The following MYRIP variants were observed in gnomAD, a reference collection of about 807,000 sequenced individuals.
The protein encoded by MYRIP is rab effector MyRIP.
MYRIP carries 49 observed loss-of-function variants against 98.0 expected under a neutral mutation model. The observed-to-expected ratio is 0.50, with a 90% CI of 0.40 to 0.63. The LOEUF (loss-of-function observed/expected upper bound fraction) is 0.63. Ranked by LOEUF, MYRIP falls within the 30% of genes least tolerant of loss-of-function variation. The pLI is 0.00. For missense variants in MYRIP, 1,004 were observed against 1,058.2 expected (o/e 0.95, Z 0.71); for synonymous variants, 404 against 409.5 (o/e 0.99, Z 0.16).
At chr3:39,837,046 T>C (rs1292220988) in intron 1 of MYRIP, among the ~76,000 whole-genome samples, 1 of 152,208 alleles carries the variant, frequency 6.6e-6, no homozygotes, top group African/African-American at 2.4e-5. Flanking sequence ...TGTTCAATTA[T>C]TACAGCTATG....
At chr3:40,118,184 A>G (rs1317224814) in intron 3 of MYRIP, among the ~76,000 whole-genome samples, 1 of 152,112 alleles carries the variant, frequency 6.6e-6, no homozygotes. Context: ...GTGTTCACCA[A>G]TTGGATTAGC....
At chr3:39,998,418 C>G (rs1946425683) in intron 2 of MYRIP, among the ~76,000 whole-genome samples, 1 of 152,310 alleles carries the variant, frequency 6.6e-6, no homozygotes, top group African/African-American at 2.4e-5. Context: ...TGAGTGAACT[C>G]TCATTCGCAA....
intron 2 of MYRIP, among the ~76,000 whole-genome samples, chr3:39,997,660 G>A (rs1946398807): frequency 6.6e-6 from 1 of 152,122 alleles, no homozygotes; most frequent in East Asian, 1.9e-4. Flanking sequence ...TAGAAAAAGA[G>A]GGAATCCTCC....
intron 4 of MYRIP, among the ~76,000 whole-genome samples, chr3:40,157,069 T>C (rs1057390662): frequency 5.3e-5 from 8 of 150,538 alleles, no homozygotes; most frequent in Non-Finnish European, 1.0e-4. Flanking sequence ...CCCTGTCTTG[T>C]GCCAGTTTTC....
chr3:40,107,044 C>G (rs1559403157), intron 3 of MYRIP, among the ~76,000 whole-genome samples: 1 of 152,206 alleles, frequency 6.6e-6, no homozygotes, highest in East Asian at 1.9e-4. Flanking sequence ...GTTTATCACT[C>G]TTTACGTGCC....
At chr3:40,120,325 G>A (rs990877777) in intron 3 of MYRIP, among the ~76,000 whole-genome samples, 4 of 152,256 alleles carry the variant, frequency 2.6e-5, no homozygotes, top group African/African-American at 9.6e-5. Context: ...CCAGCTAGGA[G>A]CTTAATTTAA....
At chr3:39,830,359 T>C (rs1241763050) in intron 1 of MYRIP, among the ~76,000 whole-genome samples, 1 of 152,198 alleles carries the variant, frequency 6.6e-6, no homozygotes, top group Admixed American at 6.5e-5. Context: ...ACCATGAACC[T>C]CAGGTGGATC....
At chr3:40,060,902 T>G (rs1015497080) in intron 3 of MYRIP, among the ~76,000 whole-genome samples, 1 of 152,166 alleles carries the variant, frequency 6.6e-6, no homozygotes, top group Non-Finnish European at 1.5e-5. Context: ...CTAGATATTT[T>G]TATATTAAAG....
chr3:40,055,328 A>G (rs1947863378), intron 3 of MYRIP, among the ~76,000 whole-genome samples: 1 of 152,216 alleles, frequency 6.6e-6, no homozygotes, highest in South Asian at 2.1e-4. Flanking sequence ...GGAAAAAATA[A>G]AATGGGAAAG....
intron 2 of MYRIP, among the ~76,000 whole-genome samples, chr3:39,977,098 T>G (rs1945773667): frequency 6.6e-6 from 1 of 151,952 alleles, no homozygotes; most frequent in Non-Finnish European, 1.5e-5. Flanking sequence ...ATTCTAAATT[T>G]CCTTTAATTA....
intron 2 of MYRIP, among the ~76,000 whole-genome samples, chr3:39,939,362 G>C (rs1388925272): frequency 2.0e-5 from 3 of 152,104 alleles, no homozygotes; most frequent in Non-Finnish European, 4.4e-5. Flanking sequence ...TCTTTCTGTA[G>C]CTCTTGAAAA....
At chr3:40,248,751 C>T (rs1431157315) in intron 13 of MYRIP, among the ~76,000 whole-genome samples, 2 of 152,184 alleles carry the variant, frequency 1.3e-5, no homozygotes, top group Non-Finnish European at 2.9e-5. Flanking sequence ...CTGGTAAAAG[C>T]TTAGCCTGCA....
intron 2 of MYRIP, among the ~76,000 whole-genome samples, chr3:39,992,141 T>C (rs1946194718): frequency 6.6e-6 from 1 of 152,148 alleles, no homozygotes; most frequent in Non-Finnish European, 1.5e-5. Flanking sequence ...ACCCAAGAAA[T>C]TGGTCACAAG....
chr3:40,170,796 G>A (rs1349689321), intron 8 of MYRIP, among the ~76,000 whole-genome samples: 1 of 152,218 alleles, frequency 6.6e-6, no homozygotes, highest in African/African-American at 2.4e-5. Flanking sequence ...CACAGTCTGG[G>A]ACAGGGCAGC....
chr3:40,234,152 A>G (rs1952752280), intron 12 of MYRIP, 99 bp downstream of exon 12: 1 of 1,075,226 alleles, frequency 9.3e-7, no homozygotes, highest in Non-Finnish European at 1.3e-6. Context: ...ACACACACAT[A>G]CACACACACA....
intron 3 of MYRIP, among the ~76,000 whole-genome samples, chr3:40,099,222 A>C (rs1391014990): frequency 6.6e-6 from 1 of 152,180 alleles, no homozygotes; most frequent in East Asian, 1.9e-4. Context: ...TTTACAAAAA[A>C]ATGTGTTTCT....
At chr3:39,966,712 G>A (rs867492088) in intron 2 of MYRIP, among the ~76,000 whole-genome samples, 4 of 152,208 alleles carry the variant, frequency 2.6e-5, no homozygotes, top group East Asian at 1.9e-4. Flanking sequence ...CATAGGTGCC[G>A]TGGCCTTTGC....
intron 2 of MYRIP, among the ~76,000 whole-genome samples, chr3:40,029,637 AC>A (rs1452083960): frequency 3.9e-5 from 6 of 152,312 alleles, no homozygotes; most frequent in Non-Finnish European, 4.4e-5. Context: ...AAACAAAAAT[AC>A]TAATAAAATG....
chr3:39,955,180 C>T (rs769050593), intron 2 of MYRIP, among the ~76,000 whole-genome samples: 7 of 152,094 alleles, frequency 4.6e-5, no homozygotes, highest in Non-Finnish European at 7.4e-5. Context: ...GAGAATGCCA[C>T]AAAGATACTC....
Sources: gnomAD v4.1 joint callset for allele counts (sites outside exome capture counted in the v4.1 genomes callset) on GRCh38, gnomAD v4.1.1 for gene constraint, MANE v1.5 for transcripts, NCBI Gene and HGNC (gene_info 2026-07-23, HGNC 2026-07-21) for gene names.